The following PTPRT variants were observed in gnomAD, a reference collection of about 807,000 sequenced individuals.
PTPRT encodes protein tyrosine phosphatase receptor type T, also known as receptor-type tyrosine-protein phosphatase T.
PTPRT carries 56 observed loss-of-function variants against 176.8 expected under a neutral mutation model. The ratio of observed to expected loss-of-function variants is 0.32; its 90% CI spans 0.26 to 0.40. The LOEUF is 0.40. PTPRT is among the 10% of genes least tolerant of loss of function. The pLI is 1.00. For missense variants in PTPRT, 1,540 were observed against 1,908.2 expected (o/e 0.81, Z 3.60); for synonymous variants, 783 against 739.0 (o/e 1.06, Z -0.96).
intron 2 of PTPRT, among the ~76,000 whole-genome samples, chr20:42,879,892 A>C (rs1489094494): frequency 6.6e-6 from 1 of 152,196 alleles, no homozygotes; most frequent in African/African-American, 2.4e-5. Context: ...AAAATAGAAG[A>C]AGCTGCTTGA....
chr20:42,968,076 G>C (rs1008215573), intron 1 of PTPRT, among the ~76,000 whole-genome samples: 16 of 152,122 alleles, frequency 1.1e-4, no homozygotes, highest in African/African-American at 3.9e-4. Context: ...ATTATGGAAG[G>C]CTGTCACAGG....
chr20:42,978,247 T>C (rs899071282), intron 1 of PTPRT, among the ~76,000 whole-genome samples: 1 of 152,228 alleles, frequency 6.6e-6, no homozygotes, highest in Non-Finnish European at 1.5e-5. Context: ...TATAATGATA[T>C]TCTGTAATCA....
intron 7 of PTPRT, among the ~76,000 whole-genome samples, chr20:42,479,314 G>A (rs2071341910): frequency 6.6e-6 from 1 of 152,226 alleles, no homozygotes; most frequent in Admixed American, 6.5e-5. Context: ...GAGGTGGATA[G>A]CTTGTATGCA....
chr20:42,130,590 TC>T (rs1184387074), intron 18 of PTPRT, among the ~76,000 whole-genome samples: 1 of 152,132 alleles, frequency 6.6e-6, no homozygotes, highest in Non-Finnish European at 1.5e-5. Context: ...AAGGAATGGG[TC>T]CTATTATGGA....
rs577579920 is a variant in PTPRT at position 43,022,861 on chromosome 20, G to A, written c.89-136929C>T. On this transcript the variant is annotated intron_variant, in intron 1 of 30. Coordinates refer to ENST00000373187, the MANE Select transcript of PTPRT (RefSeq NM_007050.6). ...TTCCACCTTGCTAGAGCCTGATATT[G>A]AAGAGTTGGCAACATGGTTACTCCA... Among the ~76,000 whole-genome samples the A allele has an allele frequency of 2.0e-4, 31 of 152,294 alleles. No individual in the cohort carries two copies. In the South Asian group the frequency reaches 5.8e-3, roughly 29 times the overall value.
the PTPRT span, among the ~76,000 whole-genome samples, chr20:42,051,101 A>G: frequency 6.6e-6 from 1 of 152,214 alleles, no homozygotes; most frequent in East Asian, 1.9e-4. Flanking sequence ...ATCCTATTTC[A>G]GCAGCACCAT....
intron 7 of PTPRT, among the ~76,000 whole-genome samples, chr20:42,625,417 C>T (rs1243081995): frequency 6.6e-6 from 1 of 151,940 alleles, no homozygotes; most frequent in Non-Finnish European, 1.5e-5. Context: ...GCATATGAAA[C>T]ATACCAGAAC....
intron 1 of PTPRT, among the ~76,000 whole-genome samples, chr20:43,056,307 C>T (rs563428126): frequency 2.0e-4 from 30 of 152,138 alleles, no homozygotes; most frequent in Non-Finnish European, 3.5e-4. Flanking sequence ...CACTCTCATC[C>T]CACTACCTTG....
rs560007170 is a variant in PTPRT, at chr20:42,688,116, G to C, written c.860-9957C>G. ...CTAAACTACCTTGCCAGCTGGCTTT[G>C]GTCCAGTCCTAGTGATGGGAGACTT... On this transcript the variant is annotated intron_variant, in intron 6 of 30. Coordinates refer to ENST00000373187, the MANE Select transcript of PTPRT (RefSeq NM_007050.6). 3.3e-5 allele frequency: 5 copies of C among 152,274 alleles called. No individual in the cohort carries two copies. In the South Asian group the frequency reaches 1.0e-3, roughly 32 times the overall value. The allele number at this position is 152,274 out of a possible 1,614,324, so 9.4% of individuals were successfully genotyped here. A position where few individuals can be genotyped will look rare whatever the true frequency, so the allele number is the denominator to read the frequency against.
At chr20:42,451,950 G>A (rs1394588174) in intron 8 of PTPRT, among the ~76,000 whole-genome samples, 4 of 152,124 alleles carry the variant, frequency 2.6e-5, no homozygotes, top group African/African-American at 9.7e-5. Flanking sequence ...GACAAGAGAG[G>A]TTATGATTAA....
intron 7 of PTPRT, among the ~76,000 whole-genome samples, chr20:42,514,731 T>C (rs2072029378): frequency 6.6e-6 from 1 of 152,228 alleles, no homozygotes; most frequent in Admixed American, 6.5e-5. Flanking sequence ...CATTTATTCA[T>C]CAAAAATTGA....
intron 8 of PTPRT, among the ~76,000 whole-genome samples, chr20:42,453,252 CAG>C (rs1210862554): frequency 1.3e-5 from 2 of 152,044 alleles, no homozygotes; most frequent in Admixed American, 6.6e-5. Flanking sequence ...TTTTGGGAAG[CAG>C]AGAGTATCAC....
At chr20:42,875,054 C>T (rs753309657) in intron 2 of PTPRT, among the ~76,000 whole-genome samples, 1 of 152,124 alleles carries the variant, frequency 6.6e-6, no homozygotes, top group Non-Finnish European at 1.5e-5. Context: ...TTTAGTTGAA[C>T]GATGCCAGTC....
At chr20:43,016,987 G>A (rs1266947908) in intron 1 of PTPRT, among the ~76,000 whole-genome samples, 2 of 152,008 alleles carry the variant, frequency 1.3e-5, no homozygotes, top group Non-Finnish European at 2.9e-5. Context: ...ACTTGACCCA[G>A]GCACAAAATT....
intron 1 of PTPRT, among the ~76,000 whole-genome samples, chr20:43,174,722 T>C (rs1290084792): frequency 6.6e-6 from 1 of 152,250 alleles, no homozygotes; most frequent in Non-Finnish European, 1.5e-5. Context: ...ACAGTTCTAA[T>C]GGAGTCACTG....
intron 1 of PTPRT, among the ~76,000 whole-genome samples, chr20:42,925,115 A>G (rs1490281155): frequency 6.6e-6 from 1 of 152,242 alleles, no homozygotes; most frequent in Non-Finnish European, 1.5e-5. Context: ...CTGTGAGCAC[A>G]GTCTTTGCAG....
chr20:42,974,865 G>A (rs1001514294), intron 1 of PTPRT, among the ~76,000 whole-genome samples: 3 of 152,206 alleles, frequency 2.0e-5, no homozygotes, highest in East Asian at 1.9e-4. Context: ...ATCAGCATTC[G>A]TTCCAAATCA....
chr20:42,694,044 T>TC (rs1309044733), intron 6 of PTPRT, among the ~76,000 whole-genome samples: 4 of 146,856 alleles, frequency 2.7e-5, no homozygotes, highest in African/African-American at 2.6e-5. Flanking sequence ...TATTTTCTTT[T>TC]TTTTTTTTTT....
At chr20:42,187,427 T>C (rs1990824660) in intron 16 of PTPRT, among the ~76,000 whole-genome samples, 1 of 152,122 alleles carries the variant, frequency 6.6e-6, no homozygotes, top group South Asian at 2.1e-4. Context: ...GGAACCCTTT[T>C]CAAAATTATG....
Sources: allele counts gnomAD v4.1 joint callset (sites outside exome capture counted in the v4.1 genomes callset), GRCh38; gene constraint gnomAD v4.1.1; transcripts MANE v1.5; gene names NCBI Gene and HGNC (gene_info 2026-07-23, HGNC 2026-07-21).